The following PEPD variants were observed in gnomAD, a reference collection of about 807,000 sequenced individuals.
PEPD encodes the protein peptidase D, also known as xaa-Pro dipeptidase.
Under a neutral mutation model 60.7 loss-of-function variants are expected in PEPD, and 53 were observed. The ratio of observed to expected loss-of-function variants is 0.87; its 90% CI spans 0.70 to 1.10. The LOEUF (loss-of-function observed/expected upper bound fraction) is 1.10. PEPD is among the 50% of genes least tolerant of loss of function. PEPD has a pLI of 0.00. For missense variants in PEPD, 711 were observed against 711.9 expected (o/e 1.00, Z 0.01); for synonymous variants, 267 against 284.1 (o/e 0.94, Z 0.60).
intron 3 of PEPD, among the ~76,000 whole-genome samples, chr19:33,508,994 T>C (rs1333258275): frequency 6.6e-6 from 1 of 152,132 alleles, no homozygotes; most frequent in Non-Finnish European, 1.5e-5. Context: ...CCAGACCCAC[T>C]TGCAAGCCCC....
At chr19:33,513,381 A>T (rs550438197) in intron 1 of PEPD, among the ~76,000 whole-genome samples, 1 of 152,164 alleles carries the variant, frequency 6.6e-6, no homozygotes, top group South Asian at 2.1e-4. Flanking sequence ...CAGGCAGAAG[A>T]TGCACCTGAA....
chr19:33,514,221 G>A (rs1482532368), intron 1 of PEPD, among the ~76,000 whole-genome samples: 4 of 152,090 alleles, frequency 2.6e-5, no homozygotes, highest in Non-Finnish European at 5.9e-5. Context: ...GGGTGGGCAC[G>A]GAGGTCAAGG....
intron 7 of PEPD, among the ~76,000 whole-genome samples, chr19:33,473,040 T>C (rs548761208): frequency 6.6e-6 from 1 of 152,342 alleles, no homozygotes; most frequent in South Asian, 2.1e-4. Flanking sequence ...AGCTGCGAGC[T>C]GAGTGTGCCT....
chr19:33,387,313 C>A lies in PEPD; in HGVS notation c.*31G>T, dbSNP rs1408117884. On this transcript the variant is annotated 3_prime_UTR_variant, in exon 15 of 15. Coordinates refer to ENST00000244137, the MANE Select transcript of PEPD (RefSeq NM_000285.4). ...CACGAAAAGAGGTTGCAAGGCCAGG[C>A]CCCCAGGTGCGCTGGGATTTCTGGC... The A allele has an allele frequency of 6.2e-7, 1 of 1,612,104 alleles. No homozygotes were observed. The highest frequency in any genetic ancestry group is 1.3e-5 in the African/African-American group (1 of 74,902).
At chr19:33,424,611 G>T (rs925969989) in intron 9 of PEPD, among the ~76,000 whole-genome samples, 2 of 152,176 alleles carry the variant, frequency 1.3e-5, no homozygotes, top group Non-Finnish European at 2.9e-5. Flanking sequence ...AGGATGAGGC[G>T]GGAGGATCGC....
chr19:33,436,446 T>C (rs1969378359), intron 9 of PEPD, among the ~76,000 whole-genome samples: 1 of 152,118 alleles, frequency 6.6e-6, no homozygotes, highest in Non-Finnish European at 1.5e-5. Flanking sequence ...GTCTGAGGGC[T>C]CCAGTCCTGC....
intron 1 of PEPD, 119 bp from the exon 2 acceptor site, chr19:33,512,895 G>A: frequency 9.1e-7 from 1 of 1,100,002 alleles, no homozygotes; most frequent in Non-Finnish European, 1.4e-6. Context: ...CATCAGCACG[G>A]GGCAAGCTGC....
Position 33,411,692 on chromosome 19 carries a change from C to G in PEPD, c.798G>C (p.Thr266=). The G allele has an allele frequency of 6.2e-7, 1 of 1,607,638 alleles. No individual in the cohort carries two copies. The highest frequency in any genetic ancestry group is 8.5e-7 in the Non-Finnish European group (1 of 1,174,444). Residue 266 remains threonine (T), a synonymous_variant, in exon 11 of 15, where the codon ACG becomes ACC. Transcript: ENST00000244137. ...YGHAGAPNDR[T]IQNGDMCLFD... ...CTTACCACATATCCCCATTCTGGAT[C>G]GTTCGGTCGTTGGGAGCTCCGGCGT... is the stretch of plus-strand genomic sequence containing the variant.
chr19:33,489,714 A>C (rs964530187), intron 6 of PEPD, among the ~76,000 whole-genome samples: 13 of 152,126 alleles, frequency 8.5e-5, no homozygotes, highest in Admixed American at 1.3e-4. Context: ...GAGGGAAAAC[A>C]ACCCACCTGT....
chr19:33,438,705 T>G (rs114694900), intron 9 of PEPD, among the ~76,000 whole-genome samples: 2 of 152,230 alleles, frequency 1.3e-5, no homozygotes, highest in Non-Finnish European at 2.9e-5. Flanking sequence ...ATGGCAACCC[T>G]GGGACAAAGG....
chr19:33,394,175 T>C (rs191739849), intron 12 of PEPD, among the ~76,000 whole-genome samples: 20 of 152,286 alleles, frequency 1.3e-4, no homozygotes, highest in Admixed American at 1.2e-3. Context: ...CTCCTGTGAG[T>C]GGCTCGTGCC....
intron 12 of PEPD, among the ~76,000 whole-genome samples, chr19:33,397,447 C>T (rs979406925): frequency 2.0e-5 from 3 of 152,070 alleles, no homozygotes; most frequent in South Asian, 2.1e-4. Flanking sequence ...GACCTGGCCA[C>T]GGCCTCCTCG....
At chr19:33,410,604 C>A (rs1301332882) in intron 11 of PEPD, among the ~76,000 whole-genome samples, 1 of 152,218 alleles carries the variant, frequency 6.6e-6, no homozygotes, top group Admixed American at 6.5e-5. Flanking sequence ...ATTGGGGTGG[C>A]TCCTCGATGG....
chr19:33,486,835 C>G (rs1049489855), intron 6 of PEPD: 1 of 152,422 alleles, frequency 6.6e-6, no homozygotes, highest in Admixed American at 6.5e-5. Flanking sequence ...CCACAAGCTC[C>G]TCTTCCCTGC....
rs112107179 is a variant in PEPD, at chr19:33,496,865, C to G, written c.394-3528G>C. 9.1e-3 allele frequency among the ~76,000 whole-genome samples: 1,387 copies of G among 152,350 alleles called. 11 individuals carry two copies. The highest frequency in any genetic ancestry group is 0.031 in the Middle Eastern group (9 of 294). Reference sequence around the variant, plus strand: ...TTCCCACGGACACCTCCTGCACTTTCCTAACCAGGGCCCAGACCAGGCCCG... The same window carrying G: ...TTCCCACGGACACCTCCTGCACTTTGCTAACCAGGGCCCAGACCAGGCCCG... On this transcript the variant is annotated intron_variant, in intron 4 of 14. Coordinates refer to ENST00000244137, the MANE Select transcript of PEPD (RefSeq NM_000285.4).
intron 4 of PEPD, among the ~76,000 whole-genome samples, chr19:33,495,350 T>C (rs963335962): frequency 1.3e-5 from 2 of 148,696 alleles, no homozygotes; most frequent in Non-Finnish European, 3.0e-5. Flanking sequence ...TACTAAAAAT[T>C]AGCCGGGTGT....
intron 8 of PEPD, among the ~76,000 whole-genome samples, chr19:33,463,595 T>C (rs1969969068): frequency 6.6e-6 from 1 of 152,220 alleles, no homozygotes; most frequent in Non-Finnish European, 1.5e-5. Flanking sequence ...AGAGAAATTT[T>C]CAGAAAATGG....
chr19:33,459,230 T>G (rs983243234), intron 9 of PEPD, among the ~76,000 whole-genome samples: 5 of 152,108 alleles, frequency 3.3e-5, no homozygotes, highest in Non-Finnish European at 5.9e-5. Context: ...TTTCCCATGA[T>G]TCTCATGACC....
At chr19:33,499,386 C>T (rs1173014613) in intron 4 of PEPD, among the ~76,000 whole-genome samples, 13 of 152,166 alleles carry the variant, frequency 8.5e-5, no homozygotes, top group Non-Finnish European at 1.9e-4. Context: ...TCTGCCCAGG[C>T]ACCACCACCC....
Sources: allele counts gnomAD v4.1 joint callset (sites outside exome capture counted in the v4.1 genomes callset), GRCh38; gene constraint gnomAD v4.1.1; transcripts MANE v1.5; gene names NCBI Gene and HGNC (gene_info 2026-07-23, HGNC 2026-07-21).